MINDY4B: variants seen among roughly 807,000 people sequenced by gnomAD.
The protein encoded by MINDY4B is inactive ubiquitin carboxyl-terminal hydrolase MINDY-4B.
MINDY4B carries 25 observed loss-of-function variants against 16.7 expected under a neutral mutation model. The ratio of observed to expected loss-of-function variants is 1.49; its 90% CI spans 1.09 to 2.09. The LOEUF (loss-of-function observed/expected upper bound fraction) is 2.09, where lower values mean the gene tolerates loss of function less well. MINDY4B is among the 30% of genes most tolerant of loss of function. The pLI is 0.00. For missense variants in MINDY4B, 327 were observed against 168.4 expected (o/e 1.94, Z -5.21); for synonymous variants, 132 against 61.9 (o/e 2.13, Z -5.32).
At chr3:150,900,113 C>T (rs1434811773) in intron 3 of MINDY4B, among the ~76,000 whole-genome samples, 2 of 152,216 alleles carry the variant, frequency 1.3e-5, no homozygotes, top group Admixed American at 6.5e-5. Context: ...AGGCGATGCT[C>T]ACCTTTCCCA....
chr3:150,901,719 C>T (rs368170598), intron 3 of MINDY4B, among the ~76,000 whole-genome samples: 298 of 151,976 alleles, frequency 2.0e-3, no homozygotes, highest in South Asian at 0.013. Flanking sequence ...TGGGGTTTTG[C>T]CATGTTGGCC....
chr3:150,902,638 G>A (rs892708081), intron 3 of MINDY4B, among the ~76,000 whole-genome samples: 2 of 152,186 alleles, frequency 1.3e-5, no homozygotes, highest in African/African-American at 4.8e-5. Flanking sequence ...CTCCTGGCTG[G>A]ATCTCTGCCT....
At chr3:150,895,459 TC>T (rs1711935361) in intron 3 of MINDY4B, among the ~76,000 whole-genome samples, 1 of 152,142 alleles carries the variant, frequency 6.6e-6, no homozygotes, top group Admixed American at 6.6e-5. Context: ...GTCTCACAGC[TC>T]TTTTTTTTGT....
At chr3:150,871,786 A>G (rs140145121) in intron 11 of MINDY4B, among the ~76,000 whole-genome samples, 3 of 152,214 alleles carry the variant, frequency 2.0e-5, no homozygotes, top group African/African-American at 7.2e-5. Context: ...TGGAATTTGC[A>G]GTAAGCCAGG....
intron 10 of MINDY4B, among the ~76,000 whole-genome samples, chr3:150,880,353 G>A (rs1361689062): frequency 1.3e-5 from 2 of 151,750 alleles, no homozygotes; most frequent in African/African-American, 2.4e-5. Flanking sequence ...ATGCGCACAC[G>A]CGCCCATTGG....
At chr3:150,875,168 T>G (rs1272262983) in intron 10 of MINDY4B, among the ~76,000 whole-genome samples, 1 of 152,266 alleles carries the variant, frequency 6.6e-6, no homozygotes, top group Non-Finnish European at 1.5e-5. Flanking sequence ...AGCAGTAGCA[T>G]ATGTTTTAGT....
chr3:150,899,918 T>C (rs1386598407), intron 3 of MINDY4B, among the ~76,000 whole-genome samples: 1 of 152,256 alleles, frequency 6.6e-6, no homozygotes, highest in Admixed American at 6.5e-5. Flanking sequence ...TTCATTCATT[T>C]GAGTCTCTCC....
chr3:150,882,564 G>GTGTATATATATATATA (rs1161118224), intron 10 of MINDY4B, among the ~76,000 whole-genome samples: 1 of 148,016 alleles, frequency 6.8e-6, no homozygotes, highest in African/African-American at 2.5e-5. Flanking sequence ...GTGTATGTGT[G>GTGTATATATATATATA]TATATATATA....
rs191409560 is a variant in MINDY4B at position 150,900,817 on chromosome 3, A to G, written c.309+2432T>C. On this transcript the variant is annotated intron_variant, in intron 3 of 11. Transcript: ENST00000465419. ...TTTGTAGATAAGTGGGAATATTCAG[A>G]CTCAGAGTTTCTCGCCTCCCCAGTA... Among the ~76,000 whole-genome samples the G allele has an allele frequency of 4.3e-4, 65 of 152,254 alleles. 1 individual carries two copies. In the East Asian group the frequency reaches 0.012, roughly 29 times the overall value.
chr3:150,877,337 A>G (rs908147601), intron 10 of MINDY4B, among the ~76,000 whole-genome samples: 6 of 152,190 alleles, frequency 3.9e-5, no homozygotes, highest in African/African-American at 1.4e-4. Context: ...CTAAATATCC[A>G]CAAAGCACTT....
chr3:150,896,444 G>A (rs948179884), intron 3 of MINDY4B, among the ~76,000 whole-genome samples: 5 of 151,978 alleles, frequency 3.3e-5, no homozygotes, highest in African/African-American at 1.2e-4. Context: ...GGGGAAGGGG[G>A]GCATTAAAAA....
chr3:150,886,690 C>A (rs1194695091), intron 7 of MINDY4B, among the ~76,000 whole-genome samples: 1 of 152,146 alleles, frequency 6.6e-6, no homozygotes, highest in Non-Finnish European at 1.5e-5. Context: ...CTAGAAGTCA[C>A]CCTCATTCCT....
At chr3:150,888,298 C>T (rs974080077) in intron 7 of MINDY4B, among the ~76,000 whole-genome samples, 1 of 152,186 alleles carries the variant, frequency 6.6e-6, no homozygotes, top group Non-Finnish European at 1.5e-5. Context: ...AGATACCAGC[C>T]ACTGGATTAG....
intron 10 of MINDY4B, among the ~76,000 whole-genome samples, chr3:150,877,411 G>A (rs1478542824): frequency 1.3e-5 from 2 of 152,190 alleles, no homozygotes; most frequent in African/African-American, 4.8e-5. Flanking sequence ...AGTGGCTGCA[G>A]GGGTCTCCAA....
intron 3 of MINDY4B, among the ~76,000 whole-genome samples, chr3:150,899,074 C>T (rs961495759): frequency 6.6e-6 from 1 of 152,198 alleles, no homozygotes; most frequent in Non-Finnish European, 1.5e-5. Context: ...ACTCTTGGTT[C>T]TATCATGTTT....
At chr3:150,900,461 A>G (rs1712088702) in intron 3 of MINDY4B, among the ~76,000 whole-genome samples, 3 of 152,232 alleles carry the variant, frequency 2.0e-5, no homozygotes, top group African/African-American at 2.4e-5. Context: ...AGGTGGCTGC[A>G]CTGCTGAAAC....
chr3:150,882,159 T>C (rs1038787643), intron 10 of MINDY4B, among the ~76,000 whole-genome samples: 3 of 152,226 alleles, frequency 2.0e-5, no homozygotes, highest in African/African-American at 7.2e-5. Context: ...TCATCTTCCC[T>C]GGGTTTTAGG....
At chr3:150,893,545 C>A in intron 4 of MINDY4B, 130 bp from the exon 5 acceptor site, 1 of 661,504 alleles carries the variant, frequency 1.5e-6, no homozygotes, top group South Asian at 1.7e-5. Flanking sequence ...ATATTTGTGC[C>A]ACTCCTCCCT....
intron 2 of MINDY4B, among the ~76,000 whole-genome samples, chr3:150,904,211 C>T (rs959507557): frequency 1.3e-5 from 2 of 152,104 alleles, no homozygotes; most frequent in Admixed American, 1.3e-4. Context: ...TTTTTCCCAC[C>T]GTGTGTAAAG....
Sources: allele counts gnomAD v4.1 joint callset (sites outside exome capture counted in the v4.1 genomes callset), GRCh38; gene constraint gnomAD v4.1.1; transcripts MANE v1.5; gene names NCBI Gene and HGNC (gene_info 2026-07-23, HGNC 2026-07-21).